The following ART3 variants were observed in gnomAD, a reference collection of about 807,000 sequenced individuals.
The protein encoded by ART3 is ADP-ribosyltransferase 3 (inactive).
Under a neutral mutation model 48.5 loss-of-function variants are expected in ART3, and 49 were observed. The observed-to-expected ratio is 1.01, with a 90% CI of 0.80 to 1.28. The LOEUF (loss-of-function observed/expected upper bound fraction) is 1.28. Among genes scored for constraint, ART3 ranks in the 50% most tolerant of loss-of-function variants. The probability of loss-of-function intolerance (pLI) is 0.00; values close to 1 mark genes in which losing one functional copy is unlikely to be tolerated. For synonymous variants in ART3, 145 were observed against 157.2 expected, an observed-to-expected ratio of 0.92 and a Z score of 0.58; for missense variants, 438 against 454.3, an observed-to-expected ratio of 0.96 and a Z score of 0.33.
chr4:76,100,760 T>C, intron 6 of ART3, 35 bp from the exon 7 acceptor site: 1 of 1,601,546 alleles, frequency 6.2e-7, no homozygotes, highest in Non-Finnish European at 8.5e-7. Context: ...TTTTGTTCCT[T>C]CGTTAAAACT....
At chr4:76,049,955 C>T (rs1351783407) in intron 1 of ART3, among the ~76,000 whole-genome samples, 1 of 151,596 alleles carries the variant, frequency 6.6e-6, no homozygotes, top group African/African-American at 2.4e-5. Context: ...CGTGGTCTCA[C>T]TGGCTCAGGA....
intron 1 of ART3, among the ~76,000 whole-genome samples, chr4:76,047,548 G>A (rs4435768): frequency 0.59 from 89,677 of 151,612 alleles, 27,664 homozygotes; most frequent in East Asian, 0.94. Context: ...GAGTTATGGC[G>A]GATATCATTG....
intron 2 of ART3, among the ~76,000 whole-genome samples, chr4:76,080,434 A>G (rs959712380): frequency 1.3e-5 from 2 of 152,324 alleles, no homozygotes. Flanking sequence ...GGCTTTGCAT[A>G]TGTTCATTAC....
intron 1 of ART3, among the ~76,000 whole-genome samples, chr4:76,038,592 A>G (rs1734656447): frequency 6.6e-6 from 1 of 152,148 alleles, no homozygotes; most frequent in Non-Finnish European, 1.5e-5. Flanking sequence ...ATCTGTTATT[A>G]TTTTTTAATG....
chr4:76,109,783 G>A (rs1170642778), intron 11 of ART3, among the ~76,000 whole-genome samples: 1 of 152,124 alleles, frequency 6.6e-6, no homozygotes, highest in Non-Finnish European at 1.5e-5. Context: ...TGCATTGCAC[G>A]ACTGTACTAA....
chr4:76,080,143 T>G (rs1722136137), intron 2 of ART3, among the ~76,000 whole-genome samples: 1 of 152,180 alleles, frequency 6.6e-6, no homozygotes, highest in African/African-American at 2.4e-5. Flanking sequence ...TAAATGGTAT[T>G]CCTGGGGAGA....
Position 76,082,079 on chromosome 4 carries a change from A to G in ART3, c.325A>G (p.Thr109Ala). The change falls in exon 3 of 12, where the codon ACT (threonine) becomes GCT (alanine). Residue 109 changes from threonine (T) to alanine (A), a missense_variant. By Grantham distance (58) the Thr-to-Ala change is moderately conservative. Coordinates refer to ENST00000355810, the MANE Select transcript of ART3 (RefSeq NM_001130016.3). The part of the protein sequence containing the change: ...MAYISEAQEQ[T>A]PFYHLFSEAV... ...ATATATTTCCGAAGCTCAAGAGCAAACTCCCTTTTACCATCTGTTCAGTGA... is the reference window on the plus strand; with the variant it reads ...ATATATTTCCGAAGCTCAAGAGCAAGCTCCCTTTTACCATCTGTTCAGTGA... 1 of 1,614,178 alleles carries G rather than the reference A, an allele frequency of 6.2e-7. No homozygotes were observed. The highest frequency in any genetic ancestry group is 8.5e-7 in the Non-Finnish European group (1 of 1,180,024).
In ART3 at chr4:76,097,649, A is replaced by G. The variant is rs758532265; in HGVS notation, c.787A>G (p.Lys263Glu). 6 of 1,607,426 alleles carry G rather than the reference A, an allele frequency of 3.7e-6. No individual in the cohort carries two copies. In the East Asian group the frequency reaches 1.1e-4, roughly 30 times the overall value. ...GCTTTATCTTTGTGTTTCAGGACTA[A>G]AAACCGAAAACTGTATTGAGAACCT... ...HYECAFLGGL[K>E]TENCIENLEY... Residue 263 changes from lysine (K) to glutamate (E), a missense_variant, in exon 4 of 12, where the codon AAA becomes GAA. By Grantham distance (56) the Lys-to-Glu change is moderately conservative. Around this residue, in one of 3 missense-constraint regions of ART3, gnomAD observed 227 missense variants for 229.6 expected, o/e 0.99. Transcript: ENST00000355810.
At chr4:76,022,469 T>C (rs757560315) in intron 1 of ART3, 21 of 1,607,020 alleles carry the variant, frequency 1.3e-5, no homozygotes, top group Non-Finnish European at 8.5e-6. Context: ...TAGAAATAAA[T>C]AGGGATGAAA....
At chr4:76,025,356 T>C (rs1212454001) in intron 1 of ART3, among the ~76,000 whole-genome samples, 1 of 152,222 alleles carries the variant, frequency 6.6e-6, no homozygotes, top group East Asian at 1.9e-4. Context: ...CAGTTTTATT[T>C]TAGTTGGTAT....
intron 11 of ART3, among the ~76,000 whole-genome samples, chr4:76,111,441 T>C (rs1560665318): frequency 6.6e-6 from 1 of 152,238 alleles, no homozygotes; most frequent in Non-Finnish European, 1.5e-5. Flanking sequence ...AAACAGATGA[T>C]GTAAACTTTG....
At chr4:76,044,324 A>G (rs898968391) in intron 1 of ART3, among the ~76,000 whole-genome samples, 13 of 152,166 alleles carry the variant, frequency 8.5e-5, no homozygotes, top group African/African-American at 3.1e-4. Context: ...TCTTCCCCTA[A>G]GAAGGTGCAG....
chr4:76,036,737 G>C (rs1025925841), intron 1 of ART3: 2 of 205,038 alleles, frequency 9.8e-6, no homozygotes, highest in African/African-American at 4.8e-5. Context: ...ATTATAGGCA[G>C]ATGGCAGGGG....
intron 1 of ART3, among the ~76,000 whole-genome samples, chr4:76,023,160 C>T (rs1410760569): frequency 2.6e-5 from 4 of 152,138 alleles, no homozygotes; most frequent in Non-Finnish European, 5.9e-5. Context: ...TTCTGTCCTC[C>T]TTCCCTTTTT....
intron 1 of ART3, chr4:76,022,887 G>T: frequency 6.6e-7 from 1 of 1,514,842 alleles, no homozygotes. Context: ...GTAGACTGGT[G>T]GTATTTAGCA....
intron 3 of ART3, among the ~76,000 whole-genome samples, chr4:76,097,308 G>A (rs750908932): frequency 1.1e-4 from 16 of 152,010 alleles, no homozygotes; most frequent in Admixed American, 5.9e-4. Flanking sequence ...GGGCTCAAGC[G>A]ATCCTCCCAC....
At chr4:76,031,960 A>G (rs2149397606) in intron 1 of ART3, among the ~76,000 whole-genome samples, 1 of 152,340 alleles carries the variant, frequency 6.6e-6, no homozygotes, top group Middle Eastern at 3.4e-3. Context: ...TTCTTGGAGA[A>G]AAAGTCATTT....
At chr4:76,108,654 A>G (rs1728913975) in intron 11 of ART3, among the ~76,000 whole-genome samples, 2 of 119,576 alleles carry the variant, frequency 1.7e-5, no homozygotes, top group African/African-American at 8.5e-5. Flanking sequence ...ACATACAGTC[A>G]TGCATTGCTT....
chr4:76,104,985 A>G (rs1190633070), intron 10 of ART3, among the ~76,000 whole-genome samples: 1 of 152,214 alleles, frequency 6.6e-6, no homozygotes, highest in Admixed American at 6.5e-5. Flanking sequence ...CGCTGCTGTC[A>G]ATGGAAGCTG....
Sources: allele counts gnomAD v4.1 joint callset (sites outside exome capture counted in the v4.1 genomes callset), GRCh38; gene constraint gnomAD v4.1.1; regional missense constraint gnomAD v4.1.1; transcripts MANE v1.5; gene names NCBI Gene and HGNC (gene_info 2026-07-23, HGNC 2026-07-21).